DLGAP2: variants seen among roughly 807,000 people sequenced by gnomAD.
DLGAP2 encodes disks large-associated protein 2.
Under a neutral mutation model 100.3 loss-of-function variants are expected in DLGAP2, and 26 were observed. The observed-to-expected ratio is 0.26, with a 90% CI of 0.19 to 0.36. The LOEUF (loss-of-function observed/expected upper bound fraction) is 0.36. Ranked by LOEUF, DLGAP2 falls within the 10% of genes least tolerant of loss-of-function variation. The pLI is 1.00. For synonymous variants in DLGAP2, 886 were observed against 630.1 expected, an observed-to-expected ratio of 1.41 and a Z score of -6.08; for missense variants, 1,858 against 1,453.2, an observed-to-expected ratio of 1.28 and a Z score of -4.53.
chr8:1,166,638 A>G (rs7827800), intron 2 of DLGAP2, among the ~76,000 whole-genome samples: 28,495 of 152,158 alleles, frequency 0.19, 2,867 homozygotes, highest in Middle Eastern at 0.34. Flanking sequence ...TCTCCTGTCA[A>G]TGCCGCATAA....
intron 3 of DLGAP2, among the ~76,000 whole-genome samples, chr8:1,500,943 G>A (rs188268453): frequency 3.3e-5 from 5 of 152,274 alleles, no homozygotes; most frequent in South Asian, 2.1e-4. Flanking sequence ...TTTCTAGACC[G>A]GAAGGAAAGT....
chr8:873,605 A>G (rs1173578843), intron 1 of DLGAP2, among the ~76,000 whole-genome samples: 2 of 152,194 alleles, frequency 1.3e-5, no homozygotes, highest in African/African-American at 4.8e-5. Flanking sequence ...TTTTTAATCT[A>G]TATTTATGAG....
rs1301098853 is a variant in DLGAP2 at position 1,115,108 on chromosome 8, A to T, written c.74-143743A>T. Among the ~76,000 whole-genome samples, 6 of 152,296 alleles carry T rather than the reference A, an allele frequency of 3.9e-5. No individual in the cohort carries two copies. In the East Asian group the frequency reaches 1.2e-3, roughly 29 times the overall value. ...AGCATTTGCCTGAGGATTATGTTCA[A>T]TTATGTGGTCTGTTTTAGAGTGTGT... On this transcript the variant is annotated intron_variant, in intron 2 of 14. Transcript: ENST00000637795.
chr8:895,264 T>C (rs1227810303), intron 1 of DLGAP2, among the ~76,000 whole-genome samples: 1 of 152,102 alleles, frequency 6.6e-6, no homozygotes, highest in African/African-American at 2.4e-5. Flanking sequence ...GACGGATACA[T>C]CATATCGGAC....
intron 8 of DLGAP2, among the ~76,000 whole-genome samples, chr8:1,655,210 G>A (rs546154169): frequency 2.1e-4 from 32 of 152,358 alleles, no homozygotes; most frequent in Non-Finnish European, 3.8e-4. Context: ...TGACTTCTGT[G>A]TCCTGTCTGA....
At chr8:1,544,663 T>A (rs1211748871) in intron 4 of DLGAP2, among the ~76,000 whole-genome samples, 3 of 152,214 alleles carry the variant, frequency 2.0e-5, no homozygotes, top group African/African-American at 7.2e-5. Flanking sequence ...ATTGCTAGGA[T>A]AAATTCTACA....
rs932739910 is a variant in DLGAP2 at position 1,691,563 on chromosome 8, G to C, written c.2733G>C (p.Gly911=). 2 of 1,614,084 alleles carry C rather than the reference G, an allele frequency of 1.2e-6. No homozygotes were observed. The highest frequency in any genetic ancestry group is 1.7e-6 in the Non-Finnish European group (2 of 1,179,990). Residue 911 remains glycine (G), a synonymous_variant, in exon 13 of 15, where the codon GGG becomes GGC. Transcript: ENST00000637795. ...EILGKIRSAV[G]SAQLLMSQKF... ...TCGGTAAAATCAGGAGTGCTGTTGG[G>C]AGTGCCCAGCTTCTCATGTCCCAGA...
intron 5 of DLGAP2, among the ~76,000 whole-genome samples, chr8:1,553,430 G>GGCA (rs1380088240): frequency 6.6e-6 from 1 of 152,120 alleles, no homozygotes; most frequent in Non-Finnish European, 1.5e-5. Context: ...CGTGTTCACG[G>GGCA]GCAGCAGCCC....
intron 4 of DLGAP2, among the ~76,000 whole-genome samples, chr8:1,514,278 G>C (rs757881): frequency 0.64 from 96,695 of 152,126 alleles, 31,237 homozygotes; most frequent in South Asian, 0.8. Context: ...TTTCTTATGC[G>C]ACTATTCCCA....
chr8:795,685 G>A (rs1335655266), intron 1 of DLGAP2, among the ~76,000 whole-genome samples: 3 of 150,734 alleles, frequency 2.0e-5, no homozygotes, highest in Non-Finnish European at 3.0e-5. Flanking sequence ...GAGAACAGGC[G>A]TCCAGTGAGA....
chr8:1,652,191 T>G (rs1798182517), intron 8 of DLGAP2, among the ~76,000 whole-genome samples: 1 of 152,160 alleles, frequency 6.6e-6, no homozygotes, highest in Non-Finnish European at 1.5e-5. Flanking sequence ...CAAAGGAGAT[T>G]GGGCTTTACG....
At chr8:1,041,104 T>A (rs903618707) in intron 2 of DLGAP2, among the ~76,000 whole-genome samples, 6 of 152,086 alleles carry the variant, frequency 3.9e-5, no homozygotes, top group African/African-American at 1.4e-4. Context: ...TAAGGGGAGG[T>A]ATCTGTCCTC....
intron 2 of DLGAP2, among the ~76,000 whole-genome samples, chr8:941,280 A>G (rs1298589259): frequency 2.6e-5 from 4 of 151,974 alleles, no homozygotes; most frequent in African/African-American, 9.7e-5. Context: ...GGCAGTTAGG[A>G]TCTGTGTATC....
intron 3 of DLGAP2, among the ~76,000 whole-genome samples, chr8:1,416,326 C>G (rs910000976): frequency 2.0e-5 from 3 of 152,174 alleles, no homozygotes; most frequent in African/African-American, 7.2e-5. Flanking sequence ...CGTGGTCAGC[C>G]CAGGTGTCCG....
rs566141010 is a variant in DLGAP2 at position 815,705 on chromosome 8, A to T, written c.18+77880A>T. ...ATTGAATGTCTTGAATTCTATCCCT[A>T]ATGTGCCTATCGTTTGATATTGAGG... On this transcript the variant is annotated intron_variant, in intron 1 of 14. Coordinates refer to ENST00000637795, the MANE Select transcript of DLGAP2 (RefSeq NM_001346810.2). 1.2e-4 allele frequency among the ~76,000 whole-genome samples: 19 copies of T among 152,324 alleles called. No homozygotes were observed. The South Asian group carries it at 3.9e-3, about 32-fold the overall frequency.
At chr8:1,352,484 A>T (rs1467903784) in intron 3 of DLGAP2, among the ~76,000 whole-genome samples, 1 of 151,564 alleles carries the variant, frequency 6.6e-6, no homozygotes, top group Non-Finnish European at 1.5e-5. Context: ...CTTCCTAAAA[A>T]CTCTTCCCAC....
At chr8:963,240 G>T (rs140125554) in intron 2 of DLGAP2, among the ~76,000 whole-genome samples, 2 of 149,514 alleles carry the variant, frequency 1.3e-5, no homozygotes, top group African/African-American at 2.6e-5. Context: ...GCCACCCCAC[G>T]ACCCCATTTG....
intron 2 of DLGAP2, among the ~76,000 whole-genome samples, chr8:1,109,381 G>A (rs113183092): frequency 2.4e-4 from 2 of 8,378 alleles, no homozygotes; most frequent in Admixed American, 1.3e-3. Flanking sequence ...TGTGAGGTGT[G>A]CACGGGTCTG....
In DLGAP2 at chr8:971,567, C is replaced by A. The variant is rs146998926; in HGVS notation, c.73+63601C>A. 2.3e-4 allele frequency among the ~76,000 whole-genome samples: 35 copies of A among 152,270 alleles called. 1 individual carries two copies. Among genetic ancestry groups the A allele is most frequent in the African/African-American group, 7.9e-4 (33 of 41,566 alleles). Reference sequence around the variant, plus strand: ...GTGCTGGATTCTAAGCATGGACTTGCTTGAGAGAGAAGACTCTGGAGAGCC... The same window carrying A: ...GTGCTGGATTCTAAGCATGGACTTGATTGAGAGAGAAGACTCTGGAGAGCC... On this transcript the variant is annotated intron_variant, in intron 2 of 14. Transcript: ENST00000637795.
Sources: allele counts gnomAD v4.1 joint callset (sites outside exome capture counted in the v4.1 genomes callset), GRCh38; gene constraint gnomAD v4.1.1; transcripts MANE v1.5; gene names NCBI Gene and HGNC (gene_info 2026-07-23, HGNC 2026-07-21).